The following PCDHA1 variants were observed in gnomAD, a reference collection of about 807,000 sequenced individuals.
The protein encoded by PCDHA1 is protocadherin alpha 1.
PCDHA1 carries 42 observed loss-of-function variants against 61.3 expected under a neutral mutation model. That is an observed-to-expected ratio of 0.69 (90% confidence interval 0.54 to 0.89). PCDHA1 has a LOEUF of 0.89. Among genes scored for constraint, PCDHA1 ranks in the 40% least tolerant of loss-of-function variants. The pLI is 0.00. For missense variants in PCDHA1, 1,256 were observed against 1,235.3 expected (o/e 1.02, Z -0.25); for synonymous variants, 610 against 553.8 (o/e 1.10, Z -1.43).
intron 1 of PCDHA1, among the ~76,000 whole-genome samples, chr5:140,976,407 C>T (rs781867787): frequency 1.1e-4 from 17 of 151,868 alleles, no homozygotes; most frequent in Non-Finnish European, 2.1e-4. Flanking sequence ...AAAAATTAGC[C>T]AGGTACGGTG....
At chr5:140,888,649 A>G (rs1554183557) in intron 1 of PCDHA1, among the ~76,000 whole-genome samples, 1 of 152,210 alleles carries the variant, frequency 6.6e-6, no homozygotes, top group African/African-American at 2.4e-5. Flanking sequence ...TACTTTCCTG[A>G]GGACACCACC....
At chr5:140,938,214 G>C (rs2091981626) in intron 1 of PCDHA1, among the ~76,000 whole-genome samples, 1 of 152,148 alleles carries the variant, frequency 6.6e-6, no homozygotes, top group Non-Finnish European at 1.5e-5. Context: ...CCAAAGTGCT[G>C]GGATTACAGG....
At chr5:140,849,899 C>A in intron 1 of PCDHA1, 1 of 1,598,504 alleles carries the variant, frequency 6.3e-7, no homozygotes, top group South Asian at 1.1e-5. Flanking sequence ...AGGAGAACAA[C>A]CCGCCGGGCT....
At chr5:140,968,396 G>A (rs1181874720) in intron 1 of PCDHA1, 1 of 1,613,890 alleles carries the variant, frequency 6.2e-7, no homozygotes, top group Non-Finnish European at 8.5e-7. Flanking sequence ...GAAGTTTCGG[G>A]AGTTCTTTGT....
chr5:140,936,077 G>A (rs2090754379), intron 1 of PCDHA1, among the ~76,000 whole-genome samples: 1 of 151,980 alleles, frequency 6.6e-6, no homozygotes, highest in South Asian at 2.1e-4. Flanking sequence ...ACTTTTAGTA[G>A]AGACAGGGTT....
intron 1 of PCDHA1, chr5:140,861,406 T>C (rs1301419453): frequency 2.3e-5 from 11 of 470,150 alleles, no homozygotes; most frequent in African/African-American, 2.2e-4. Flanking sequence ...CTTGTGGAGC[T>C]GATACCGCGC....
intron 1 of PCDHA1, among the ~76,000 whole-genome samples, chr5:140,938,177 C>A (rs1165477047): frequency 6.6e-6 from 1 of 152,110 alleles, no homozygotes; most frequent in African/African-American, 2.4e-5. Flanking sequence ...AGCTCCTGGG[C>A]TCAAGCAATC....
intron 1 of PCDHA1, among the ~76,000 whole-genome samples, chr5:140,972,693 C>A (rs1358194667): frequency 2.3e-5 from 3 of 130,312 alleles, no homozygotes; most frequent in East Asian, 4.7e-4. Flanking sequence ...GAGATGGAGT[C>A]TCACTCTGTT....
intron 3 of PCDHA1, among the ~76,000 whole-genome samples, chr5:141,004,093 C>T (rs1016954345): frequency 1.3e-5 from 2 of 152,164 alleles, no homozygotes; most frequent in African/African-American, 4.8e-5. Flanking sequence ...GTGCTTCTTC[C>T]GTTTTCATCT....
chr5:140,928,286 G>A (rs140714840), intron 1 of PCDHA1: 12 of 1,614,014 alleles, frequency 7.4e-6, no homozygotes, highest in Non-Finnish European at 9.3e-6. Flanking sequence ...GCCTCTCTAG[G>A]CCGAGTGTTT....
intron 1 of PCDHA1, chr5:140,856,217 G>C: frequency 6.3e-7 from 1 of 1,598,130 alleles, no homozygotes; most frequent in Non-Finnish European, 8.6e-7. Flanking sequence ...GGAGCTGGCG[G>C]AGCTGGTGCA....
At chr5:141,006,119 T>C (rs1327328997) in intron 3 of PCDHA1, among the ~76,000 whole-genome samples, 14 of 152,070 alleles carry the variant, frequency 9.2e-5, no homozygotes, top group South Asian at 4.2e-4. Context: ...TTTTTTTTTT[T>C]CTCAAGGCAG....
At chr5:140,979,966 A>G (rs1029035910) in intron 2 of PCDHA1, among the ~76,000 whole-genome samples, 7 of 152,258 alleles carry the variant, frequency 4.6e-5, no homozygotes, top group Non-Finnish European at 7.3e-5. Context: ...TTAGCCCATT[A>G]AAATGCATTA....
intron 1 of PCDHA1, among the ~76,000 whole-genome samples, chr5:140,790,250 AT>A (rs1184627811): frequency 6.6e-6 from 1 of 152,208 alleles, no homozygotes. Context: ...AATATCCTTG[AT>A]GTAGACATCA....
At chr5:140,850,835 T>C in intron 1 of PCDHA1, 5 of 1,597,984 alleles carry the variant, frequency 3.1e-6, no homozygotes, top group Non-Finnish European at 4.3e-6. Flanking sequence ...CTCCTTGTGC[T>C]GGATCTACAG....
In PCDHA1 at chr5:140,786,720, G is replaced by T; in HGVS notation, c.430G>T (p.Glu144Ter). ...RGREQIIFIP[E>*]SRLLNSRFPI... The stretch of plus-strand genomic sequence containing the variant: ...CAGAGAACAAATAATATTTATTCCT[G>T]AATCTAGACTCCTGAATTCGCGTTT... The change falls in exon 1 of 4, where the codon GAA becomes TAA. Residue 144 changes from glutamate (E) to a stop codon, truncating the protein, a stop_gained. Transcript: ENST00000504120. LOFTEE classifies it high-confidence loss of function. The T allele has an allele frequency of 6.2e-7, 1 of 1,614,210 alleles. No individual in the cohort carries two copies. Among genetic ancestry groups the T allele is most frequent in the Non-Finnish European group, 8.5e-7 (1 of 1,180,044 alleles).
At chr5:140,941,286 CTCTTTCTT>C (rs5871754) in intron 1 of PCDHA1, among the ~76,000 whole-genome samples, 8 of 106,846 alleles carry the variant, frequency 7.5e-5, no homozygotes, top group East Asian at 5.2e-4. Context: ...TCCTTCCTTT[CTCTTTCTT>C]TCTTTCTTTC....
intron 1 of PCDHA1, chr5:140,870,136 A>G: frequency 6.2e-7 from 1 of 1,614,024 alleles, no homozygotes; most frequent in Non-Finnish European, 8.5e-7. Flanking sequence ...CACCAACGAT[A>G]ACTCTCCTGA....
At chr5:140,802,762 C>T (rs782384957) in intron 1 of PCDHA1, 4 of 1,612,708 alleles carry the variant, frequency 2.5e-6, no homozygotes, top group East Asian at 4.5e-5. Flanking sequence ...GCGCTGCAGC[C>T]GCTGGACCAC....
Sources: allele counts gnomAD v4.1 joint callset (sites outside exome capture counted in the v4.1 genomes callset), GRCh38; gene constraint gnomAD v4.1.1; transcripts MANE v1.5; gene names NCBI Gene and HGNC (gene_info 2026-07-23, HGNC 2026-07-21).